Variants in FRMPD1 observed in about 807,000 individuals in gnomAD.
FRMPD1 encodes FERM and PDZ domain containing 1, also known as FERM and PDZ domain-containing protein 1.
A neutral mutation model predicts 117.8 loss-of-function variants in FRMPD1; 76 were observed. That is an observed-to-expected ratio of 0.65 (90% CI 0.54 to 0.78). The LOEUF (loss-of-function observed/expected upper bound fraction) is 0.78. FRMPD1 is among the 30% of genes least tolerant of loss of function. The pLI, the probability that FRMPD1 is intolerant of heterozygous loss-of-function variation, is 0.00. For missense variants in FRMPD1, 1,786 were observed against 1,964.5 expected, an observed-to-expected ratio of 0.91 and a Z score of 1.72; for synonymous variants, 783 against 770.4, an observed-to-expected ratio of 1.02 and a Z score of -0.27.
intron 1 of FRMPD1, among the ~76,000 whole-genome samples, chr9:37,674,907 C>G (rs1392633338): frequency 6.6e-6 from 1 of 152,140 alleles, no homozygotes; most frequent in Non-Finnish European, 1.5e-5. Flanking sequence ...CCCAGCCAAA[C>G]CAAACCATAT....
At chr9:37,705,434 C>T (rs949533537) in intron 2 of FRMPD1, among the ~76,000 whole-genome samples, 1 of 151,994 alleles carries the variant, frequency 6.6e-6, no homozygotes, top group Non-Finnish European at 1.5e-5. Context: ...TAGCTGGTAC[C>T]ACAGGTGTAC....
Position 37,740,939 on chromosome 9 carries a change from C to A in FRMPD1, c.2356+55C>A, listed in dbSNP as rs771425132. 7.1e-7 allele frequency: 1 copy of A among 1,402,228 alleles called. No individual in the cohort carries two copies. Among genetic ancestry groups the A allele is most frequent in the South Asian group, 1.2e-5 (1 of 86,322 alleles). 86.9% of individuals were successfully genotyped at this position (1,402,228 alleles called of 1,614,324 possible). A position where few individuals can be genotyped will look rare whatever the true frequency, so the allele number is the denominator to read the frequency against. On this transcript the variant is annotated intron_variant, in intron 15 of 15. Coordinates refer to ENST00000377765, the MANE Select transcript of FRMPD1 (RefSeq NM_014907.3). This position sits in a 1 kb window ranked among gnomAD's most constrained non-coding sequence, Gnocchi z 4.2. Reference sequence around the variant, plus strand: ...CGGCAGGCAGCTCCTGAGTGCCTCCCGGGGATCAAGGCCTGGGGCCAAGCT... The same window carrying A: ...CGGCAGGCAGCTCCTGAGTGCCTCCAGGGGATCAAGGCCTGGGGCCAAGCT...
intron 4 of FRMPD1, among the ~76,000 whole-genome samples, chr9:37,710,702 C>T (rs1822874193): frequency 6.6e-6 from 1 of 152,016 alleles, no homozygotes; most frequent in Admixed American, 6.6e-5. Flanking sequence ...CACGGTGGCT[C>T]ACACCTGTAA....
the FRMPD1 span, among the ~76,000 whole-genome samples, chr9:37,614,078 A>G: frequency 7.2e-5 from 11 of 152,358 alleles, no homozygotes; most frequent in South Asian, 2.3e-3. Context: ...TGAGTTTCTT[A>G]GAGACCTCTC....
chr9:37,732,432 GTA>G lies in FRMPD1; in HGVS notation c.992_993del (p.Ile331ArgfsTer28). ...CCCAGCCACAGAAGATCTCTTTAAA[GTA>G]TATAGAGTGAGTGGCAGGGGATGGC... is the stretch of plus-strand genomic sequence containing the variant. ...CAQPQKISLK[Y>X]IEKDWGIENF... On this transcript the variant is annotated frameshift_variant, in exon 10 of 16. Transcript: ENST00000377765. LOFTEE classifies it high-confidence loss of function. 6.2e-7 allele frequency: 1 copy of G among 1,601,090 alleles called. No homozygotes were observed. Among genetic ancestry groups the G allele is most frequent in the Non-Finnish European group, 8.5e-7 (1 of 1,173,016 alleles).
the FRMPD1 span, among the ~76,000 whole-genome samples, chr9:37,645,740 T>C: frequency 6.6e-6 from 1 of 152,224 alleles, no homozygotes; most frequent in Non-Finnish European, 1.5e-5. Flanking sequence ...AGTAAGAACA[T>C]ATTGTTTTTC....
At chr9:37,673,542 G>T (rs1329072785) in intron 1 of FRMPD1, among the ~76,000 whole-genome samples, 1 of 152,224 alleles carries the variant, frequency 6.6e-6, no homozygotes, top group Non-Finnish European at 1.5e-5. Context: ...GCTCCAGTAG[G>T]CAGTGCCCCA....
In FRMPD1 at chr9:37,740,935, C is replaced by T; in HGVS notation, c.2356+51C>T. ...GACACGGCAGGCAGCTCCTGAGTGC[C>T]TCCCGGGGATCAAGGCCTGGGGCCA... On this transcript the variant is annotated intron_variant, in intron 15 of 15. Transcript: ENST00000377765. This position sits in a 1 kb window ranked among gnomAD's most constrained non-coding sequence, Gnocchi z 4.2. 3 of 1,430,358 alleles carry T rather than the reference C, an allele frequency of 2.1e-6. No individual in the cohort carries two copies. Among genetic ancestry groups the T allele is most frequent in the Non-Finnish European group, 3.0e-6 (3 of 1,013,516 alleles). The allele number at this position is 1,430,358 out of a possible 1,614,324, so 88.6% of individuals were successfully genotyped here. A position where few individuals can be genotyped will look rare whatever the true frequency, so the allele number is the denominator to read the frequency against.
intron 2 of FRMPD1, among the ~76,000 whole-genome samples, chr9:37,699,305 TTC>T (rs1822446912): frequency 6.7e-6 from 1 of 149,260 alleles, no homozygotes; most frequent in Admixed American, 6.8e-5. Context: ...ATTTACTGAA[TTC>T]TCTCTGTCTC....
At chr9:37,618,203 C>G in the FRMPD1 span, among the ~76,000 whole-genome samples, 1 of 152,174 alleles carries the variant, frequency 6.6e-6, no homozygotes, top group Non-Finnish European at 1.5e-5. Flanking sequence ...ACTTTTATGA[C>G]AGGATTAAAA....
chr9:37,635,408 T>G, the FRMPD1 span, among the ~76,000 whole-genome samples: 1 of 152,240 alleles, frequency 6.6e-6, no homozygotes, highest in Admixed American at 6.5e-5. Context: ...CCCCTTTTTT[T>G]GAACTGGTTT....
At chr9:37,648,054 T>A (rs1824175161), upstream of FRMPD1, among the ~76,000 whole-genome samples, 1 of 152,178 alleles carries the variant, frequency 6.6e-6, no homozygotes, top group African/African-American at 2.4e-5. Flanking sequence ...ATTAGAAGCA[T>A]TCCTAATAGT....
chr9:37,690,748 G>T (rs1007568265), intron 1 of FRMPD1, among the ~76,000 whole-genome samples: 6 of 152,156 alleles, frequency 3.9e-5, no homozygotes, highest in Non-Finnish European at 5.9e-5. Context: ...CACAGACTGG[G>T]TAATTTATGA....
intron 1 of FRMPD1, among the ~76,000 whole-genome samples, chr9:37,687,221 C>T (rs1479289128): frequency 6.6e-6 from 1 of 152,170 alleles, no homozygotes; most frequent in East Asian, 1.9e-4. Context: ...GAGCTGGAGT[C>T]CCCCACGCTG....
intron 1 of FRMPD1, among the ~76,000 whole-genome samples, chr9:37,674,424 C>T (rs62533880): frequency 0.097 from 14,787 of 152,224 alleles, 1,038 homozygotes; most frequent in African/African-American, 0.2. Flanking sequence ...TAGGAGGTTC[C>T]GAACTTTCCC....
chr9:37,679,839 A>G (rs12003200), intron 1 of FRMPD1, among the ~76,000 whole-genome samples: 2 of 152,178 alleles, frequency 1.3e-5, no homozygotes, highest in South Asian at 4.1e-4. Flanking sequence ...CAAGGGGTTC[A>G]GCAGCCGCAG....
At chr9:37,638,008 C>CTTTCTTTCTT in the FRMPD1 span, among the ~76,000 whole-genome samples, 1 of 107,198 alleles carries the variant, frequency 9.3e-6, no homozygotes, top group African/African-American at 3.2e-5. Flanking sequence ...TTCTTTCTTT[C>CTTTCTTTCTT]TTTCTTTCTT....
At chr9:37,612,196 C>T in the FRMPD1 span, among the ~76,000 whole-genome samples, 51 of 152,150 alleles carry the variant, frequency 3.4e-4, no homozygotes, top group Non-Finnish European at 6.5e-4. Flanking sequence ...GCACTGTTTC[C>T]GGTCTGGGTT....
chr9:37,685,054 A>G (rs1821873161), intron 1 of FRMPD1, among the ~76,000 whole-genome samples: 1 of 152,058 alleles, frequency 6.6e-6, no homozygotes, highest in Non-Finnish European at 1.5e-5. Context: ...GCACCCAGCC[A>G]AGATGTCTTT....
Sources: gnomAD v4.1 joint callset for allele counts (sites outside exome capture counted in the v4.1 genomes callset) on GRCh38, gnomAD v4.1.1 for gene constraint, Gnocchi (gnomAD v3.1) non-coding constraint, MANE v1.5 for transcripts, NCBI Gene and HGNC (gene_info 2026-07-23, HGNC 2026-07-21) for gene names.